PCDH9: variants seen among roughly 807,000 people sequenced by gnomAD.
The protein encoded by PCDH9 is protocadherin 9.
A neutral mutation model predicts 70.6 loss-of-function variants in PCDH9; 24 were observed. The observed-to-expected ratio is 0.34, with a 90% CI of 0.25 to 0.48. The LOEUF is 0.48. Ranked by LOEUF, PCDH9 falls within the 20% of genes least tolerant of loss-of-function variation. The probability of loss-of-function intolerance (pLI) is 0.99; values close to 1 mark genes in which losing one functional copy is unlikely to be tolerated. For missense variants in PCDH9, 1,281 were observed against 1,503.6 expected (o/e 0.85, Z 2.45); for synonymous variants, 562 against 558.5 (o/e 1.01, Z -0.09).
At chr13:67,148,285 T>C (rs1405973000) in intron 2 of PCDH9, among the ~76,000 whole-genome samples, 1 of 152,028 alleles carries the variant, frequency 6.6e-6, no homozygotes. Context: ...AATATACTAC[T>C]GAATAAGATT....
chr13:66,728,562 A>G (rs1291485680), intron 3 of PCDH9, among the ~76,000 whole-genome samples: 2 of 151,996 alleles, frequency 1.3e-5, no homozygotes, highest in Admixed American at 1.3e-4. Context: ...TTTGGCATTG[A>G]GTTATTGTTT....
intron 3 of PCDH9, among the ~76,000 whole-genome samples, chr13:66,839,426 C>T (rs2081078387): frequency 6.6e-6 from 1 of 152,126 alleles, no homozygotes; most frequent in African/African-American, 2.4e-5. Flanking sequence ...GCTACAGATA[C>T]CTAGGTCATT....
intron 2 of PCDH9, among the ~76,000 whole-genome samples, chr13:66,909,887 C>T (rs886908915): frequency 6.6e-6 from 1 of 152,156 alleles, no homozygotes; most frequent in Non-Finnish European, 1.5e-5. Context: ...ACACATGTTC[C>T]TACCCAGTGG....
chr13:66,379,640 G>A (rs1044390397), intron 4 of PCDH9, among the ~76,000 whole-genome samples: 1 of 152,094 alleles, frequency 6.6e-6, no homozygotes, highest in African/African-American at 2.4e-5. Context: ...AGCCAAAGAG[G>A]CAGGGTATCT....
intron 2 of PCDH9, among the ~76,000 whole-genome samples, chr13:67,067,576 G>A (rs1050688837): frequency 2.0e-5 from 3 of 150,918 alleles, no homozygotes; most frequent in Admixed American, 6.7e-5. Flanking sequence ...TAGACACTCT[G>A]TAACCATGTG....
At chr13:66,571,993 T>C (rs1001393740) in intron 4 of PCDH9, among the ~76,000 whole-genome samples, 2 of 152,068 alleles carry the variant, frequency 1.3e-5, no homozygotes, top group African/African-American at 4.8e-5. Flanking sequence ...GTAGACATTG[T>C]GTCACAATGG....
Position 66,486,612 on chromosome 13 carries a change from G to A in PCDH9, c.3340+144598C>T, listed in dbSNP as rs141854598. ...GATTGTGCCATTGCTCTCCAGCCTGGAGGACAGAGTGAGATGCTATCTCAG... is the reference window on the plus strand; with the variant it reads ...GATTGTGCCATTGCTCTCCAGCCTGAAGGACAGAGTGAGATGCTATCTCAG... On this transcript the variant is annotated intron_variant, in intron 4 of 4. Transcript: ENST00000377865. Among the ~76,000 whole-genome samples the A allele has an allele frequency of 4.6e-3, 689 of 148,258 alleles. 28 individuals carry two copies. In the East Asian group the frequency reaches 0.093, roughly 20 times the overall value.
chr13:66,983,314 A>G (rs1023461044), intron 2 of PCDH9, among the ~76,000 whole-genome samples: 1 of 152,168 alleles, frequency 6.6e-6, no homozygotes, highest in African/African-American at 2.4e-5. Context: ...TTAAAAAAAT[A>G]AAAAGTCACT....
At chr13:67,223,329 A>G (rs1353426040) in intron 2 of PCDH9, 2 of 152,176 alleles carry the variant, frequency 1.3e-5, no homozygotes, top group African/African-American at 4.8e-5. Flanking sequence ...TGGGGAGGTC[A>G]GAAAAAGTGG....
At chr13:66,530,254 T>C (rs868210045) in intron 4 of PCDH9, among the ~76,000 whole-genome samples, 5 of 152,178 alleles carry the variant, frequency 3.3e-5, no homozygotes, top group Non-Finnish European at 5.9e-5. Flanking sequence ...AGAAGATATG[T>C]GTTTGTGGCA....
intron 3 of PCDH9, among the ~76,000 whole-genome samples, chr13:66,873,558 C>A (rs1354707283): frequency 6.6e-6 from 1 of 152,100 alleles, no homozygotes; most frequent in Non-Finnish European, 1.5e-5. Flanking sequence ...TCAGGTTTTT[C>A]TCCTAATCTC....
chr13:66,323,973 C>T (rs1955797830), intron 4 of PCDH9, among the ~76,000 whole-genome samples: 1 of 152,068 alleles, frequency 6.6e-6, no homozygotes, highest in South Asian at 2.1e-4. Flanking sequence ...TCAGCAAATA[C>T]AATTGAAGTT....
At chr13:66,538,799 T>C (rs1960820481) in intron 4 of PCDH9, among the ~76,000 whole-genome samples, 1 of 152,082 alleles carries the variant, frequency 6.6e-6, no homozygotes, top group Non-Finnish European at 1.5e-5. Context: ...CTATCATACA[T>C]AAGATGAAGA....
chr13:66,944,675 A>G lies in PCDH9; in HGVS notation c.3037-41070T>C, dbSNP rs114878710. On this transcript the variant is annotated intron_variant, in intron 2 of 4. Coordinates refer to ENST00000377865, the MANE Select transcript of PCDH9 (RefSeq NM_203487.3). ...GCTTACTTCTTCATGCTCTATATTTAGTGGATAACCAACCCTCCCTGGGGA... is the reference window on the plus strand; with the variant it reads ...GCTTACTTCTTCATGCTCTATATTTGGTGGATAACCAACCCTCCCTGGGGA... Among the ~76,000 whole-genome samples the G allele has an allele frequency of 1.1e-3, 163 of 152,260 alleles. 1 individual carries two copies. The highest frequency in any genetic ancestry group is 3.8e-3 in the African/African-American group (157 of 41,548).
intron 4 of PCDH9, among the ~76,000 whole-genome samples, chr13:66,445,546 T>C (rs572323956): frequency 2.8e-5 from 4 of 143,144 alleles, no homozygotes; most frequent in African/African-American, 7.7e-5. Flanking sequence ...ATATTATATA[T>C]ACACATATAT....
At chr13:66,710,688 G>C (rs2078780109) in intron 3 of PCDH9, among the ~76,000 whole-genome samples, 1 of 152,096 alleles carries the variant, frequency 6.6e-6, no homozygotes, top group South Asian at 2.1e-4. Flanking sequence ...AGGTCTTACT[G>C]GGCTACTATC....
At chr13:67,097,186 G>A (rs1259908508) in intron 2 of PCDH9, among the ~76,000 whole-genome samples, 14 of 151,932 alleles carry the variant, frequency 9.2e-5, no homozygotes, top group Admixed American at 9.2e-4. Flanking sequence ...GCCCAGGGAG[G>A]TTGAGACTAT....
chr13:66,944,699 G>A (rs547441728), intron 2 of PCDH9, among the ~76,000 whole-genome samples: 34 of 152,256 alleles, frequency 2.2e-4, no homozygotes, highest in African/African-American at 6.3e-4. Context: ...CCTCCCTGGG[G>A]AGGTTTGAGG....
At chr13:66,670,463 T>A (rs1487789245) in intron 3 of PCDH9, among the ~76,000 whole-genome samples, 1 of 152,190 alleles carries the variant, frequency 6.6e-6, no homozygotes, top group African/African-American at 2.4e-5. Context: ...CATCATCATC[T>A]TAATTATAAA....
Sources: gnomAD v4.1 joint callset for allele counts (sites outside exome capture counted in the v4.1 genomes callset) on GRCh38, gnomAD v4.1.1 for gene constraint, MANE v1.5 for transcripts, NCBI Gene and HGNC (gene_info 2026-07-23, HGNC 2026-07-21) for gene names.